Variants in DACH2 observed in about 807,000 individuals in gnomAD.
DACH2 encodes dachshund family transcription factor 2, also known as dachshund homolog 2.
Under a neutral mutation model 35.8 loss-of-function variants are expected in DACH2, and 17 were observed. The ratio of observed to expected loss-of-function variants is 0.48; its 90% CI spans 0.33 to 0.71. The LOEUF (loss-of-function observed/expected upper bound fraction) is 0.71. DACH2 is among the 30% of genes least tolerant of loss of function. The pLI is 0.02. For synonymous variants in DACH2, 195 were observed against 177.3 expected (o/e 1.10, Z -0.79); for missense variants, 469 against 472.7 (o/e 0.99, Z 0.07).
chrX:86,159,285 A>C (rs2030664543), intron 1 of DACH2, among the ~76,000 whole-genome samples: 1 of 111,729 alleles, frequency 9.0e-6, no homozygotes, highest in African/African-American at 3.2e-5. Flanking sequence ...TTGTTCATCC[A>C]GAGTACATTG....
At chrX:86,511,268 G>T (rs762308312) in intron 2 of DACH2, among the ~76,000 whole-genome samples, 1 of 111,806 alleles carries the variant, frequency 8.9e-6, no homozygotes, top group Admixed American at 9.5e-5. Context: ...GTACTATGGA[G>T]AATCAGTAGG....
intron 5 of DACH2, among the ~76,000 whole-genome samples, chrX:86,713,130 C>A (rs969373090): frequency 9.0e-6 from 1 of 111,244 alleles, no homozygotes; most frequent in Admixed American, 9.6e-5. Context: ...TTAGATCAAC[C>A]ATTATAATTG....
chrX:86,813,595 G>A (rs1202943630), intron 9 of DACH2, among the ~76,000 whole-genome samples: 11 of 106,168 alleles, frequency 1.0e-4, no homozygotes, highest in Non-Finnish European at 1.4e-4. Context: ...CTGGGCGACA[G>A]AGCAAGACTC....
At chrX:86,554,716 A>G (rs776195363) in intron 3 of DACH2, among the ~76,000 whole-genome samples, 1 of 111,746 alleles carries the variant, frequency 8.9e-6, no homozygotes. Flanking sequence ...TAAGCCATTT[A>G]TCTTCTCCAA....
chrX:86,771,620 G>A (rs1195046641), intron 7 of DACH2, among the ~76,000 whole-genome samples: 1 of 112,058 alleles, frequency 8.9e-6, no homozygotes, highest in Non-Finnish European at 1.9e-5. Context: ...GTCAAAGAGT[G>A]AATGAAGACT....
intron 6 of DACH2, among the ~76,000 whole-genome samples, chrX:86,728,161 G>C (rs1009905416): frequency 3.6e-5 from 4 of 112,030 alleles, no homozygotes; most frequent in Admixed American, 9.5e-5. Context: ...AAGTTCACAT[G>C]TGTTATACCT....
intron 5 of DACH2, among the ~76,000 whole-genome samples, chrX:86,704,376 A>G (rs1284111977): frequency 9.0e-6 from 1 of 111,579 alleles, no homozygotes; most frequent in Admixed American, 9.6e-5. Context: ...TCTTATAAAC[A>G]TTGACCTAAA....
chrX:86,587,510 T>G (rs1216025194), intron 3 of DACH2, among the ~76,000 whole-genome samples: 1 of 111,474 alleles, frequency 9.0e-6, no homozygotes, highest in African/African-American at 3.3e-5. Context: ...GGGGAATACT[T>G]CCAACTTTTG....
intron 3 of DACH2, among the ~76,000 whole-genome samples, chrX:86,600,666 C>A (rs1025809032): frequency 1.8e-5 from 2 of 111,615 alleles, no homozygotes; most frequent in Admixed American, 9.5e-5. Context: ...ACATCAGATC[C>A]CTGTGTATGC....
At position 86,305,925 on chromosome X, in the gene DACH2, G is replaced by A. The variant is rs775850930; in HGVS notation, c.489-70899G>A. ...TCTCACACCAGTTAGAATGGCTATC[G>A]TCAAAAAGACAAAACAACTAACAAA... is the stretch of plus-strand genomic sequence containing the variant. On this transcript the variant is annotated intron_variant, in intron 1 of 11. Coordinates refer to ENST00000373125, the MANE Select transcript of DACH2 (RefSeq NM_053281.3). 1.4e-4 allele frequency among the ~76,000 whole-genome samples: 16 copies of A among 111,552 alleles called. No homozygotes were observed. The South Asian group carries it at 1.9e-3, about 13-fold the overall frequency.
chrX:86,826,379 T>C, intron 11 of DACH2, among the ~76,000 whole-genome samples: 1 of 111,807 alleles, frequency 8.9e-6, no homozygotes, highest in African/African-American at 3.2e-5. Flanking sequence ...TCATTTTGAA[T>C]AAATTGTAAG....
chrX:86,329,696 G>C (rs1448029548), intron 1 of DACH2, among the ~76,000 whole-genome samples: 1 of 111,803 alleles, frequency 8.9e-6, no homozygotes, highest in Admixed American at 9.5e-5. Flanking sequence ...AACTGAAGAA[G>C]AGGCAGTCTT....
chrX:86,301,395 G>A (rs2034572418), intron 1 of DACH2, among the ~76,000 whole-genome samples: 1 of 111,473 alleles, frequency 9.0e-6, no homozygotes, highest in East Asian at 2.8e-4. Context: ...CTGCTTCAGT[G>A]ATAAAAAATT....
rs1460071366 is a variant in DACH2 at position 86,231,379 on chromosome X, G to A, written c.488+82271G>A. 4.5e-5 allele frequency among the ~76,000 whole-genome samples: 5 copies of A among 111,298 alleles called. No homozygotes were observed. In the East Asian group the frequency reaches 1.4e-3, roughly 32 times the overall value. On this transcript the variant is annotated intron_variant, in intron 1 of 11. Coordinates refer to ENST00000373125, the MANE Select transcript of DACH2 (RefSeq NM_053281.3). The stretch of plus-strand genomic sequence containing the variant: ...TTGTCTTCGGCTACCAGAGTGGGTA[G>A]GGAAGGACCATTAGGTAGGGGCGGG...
intron 2 of DACH2, among the ~76,000 whole-genome samples, chrX:86,500,493 A>T (rs986640723): frequency 1.8e-5 from 2 of 111,552 alleles, no homozygotes; most frequent in Non-Finnish European, 3.8e-5. Context: ...ATAAAACTGT[A>T]AAAAAAATGT....
At chrX:86,384,125 A>G (rs1569371494) in intron 2 of DACH2, among the ~76,000 whole-genome samples, 2 of 110,800 alleles carry the variant, frequency 1.8e-5, no homozygotes, top group Admixed American at 9.6e-5. Flanking sequence ...CTATACACCA[A>G]TGAGTAGGGT....
intron 2 of DACH2, among the ~76,000 whole-genome samples, chrX:86,393,095 C>T (rs951260625): frequency 1.8e-5 from 2 of 111,053 alleles, no homozygotes; most frequent in African/African-American, 6.6e-5. Context: ...AAATGCTACC[C>T]TGTAGCATTT....
At chrX:86,247,947 G>C (rs1231150545) in intron 1 of DACH2, among the ~76,000 whole-genome samples, 1 of 110,513 alleles carries the variant, frequency 9.0e-6, no homozygotes, top group Non-Finnish European at 1.9e-5. Flanking sequence ...AAACCACATG[G>C]TCATCTCAAT....
At chrX:86,545,359 T>G (rs765121742) in intron 3 of DACH2, among the ~76,000 whole-genome samples, 3 of 110,614 alleles carry the variant, frequency 2.7e-5, no homozygotes, top group Non-Finnish European at 5.7e-5. Flanking sequence ...ATTGAGTATA[T>G]ATGGACACAA....
Sources: gnomAD v4.1 joint callset for allele counts (sites outside exome capture counted in the v4.1 genomes callset) on GRCh38, gnomAD v4.1.1 for gene constraint, MANE v1.5 for transcripts, NCBI Gene and HGNC (gene_info 2026-07-23, HGNC 2026-07-21) for gene names.